Variants in ADAD2 observed in about 807,000 individuals in gnomAD.
ADAD2 encodes adenosine deaminase domain containing 2.
A neutral mutation model predicts 54.5 loss-of-function variants in ADAD2; 60 were observed. The ratio of observed to expected loss-of-function variants is 1.10; its 90% CI spans 0.89 to 1.36. The LOEUF (loss-of-function observed/expected upper bound fraction) is 1.36. Among genes scored for constraint, ADAD2 ranks in the 40% most tolerant of loss-of-function variants. ADAD2 has a pLI of 0.00. For missense variants in ADAD2, 1,103 were observed against 801.3 expected (o/e 1.38, Z -4.54); for synonymous variants, 543 against 366.2 (o/e 1.48, Z -5.51).
Position 84,196,632 on chromosome 16 carries a change from C to T in ADAD2, c.1527-15C>T, listed in dbSNP as rs778659097. ...TGTATCTCTCTGATCTCAGTGGTAT[C>T]CTCTCTTCATCCAGTGCCGCCCTGG... is the stretch of plus-strand genomic sequence containing the variant. On this transcript the variant is annotated splice_polypyrimidine_tract_variant and intron_variant, in intron 8 of 9. Coordinates refer to ENST00000315906, the MANE Select transcript of ADAD2 (RefSeq NM_001145400.2). The T allele has an allele frequency of 1.2e-6, 2 of 1,611,976 alleles. No homozygotes were observed. The highest frequency in any genetic ancestry group is 2.2e-5 in the East Asian group (1 of 44,834).
At chr16:84,196,416 T>TG (rs956247776) in intron 8 of ADAD2, 46 bp downstream of exon 8, 12 of 1,582,534 alleles carry the variant, frequency 7.6e-6, no homozygotes, top group South Asian at 1.2e-5. Flanking sequence ...GTGCTGGTGA[T>TG]GGAGGGCTCA....
Position 84,196,752 on chromosome 16 carries a change from C to A in ADAD2, c.1632C>A (p.Thr544=), listed in dbSNP as rs1384552472. 1.2e-6 allele frequency: 2 copies of A among 1,611,992 alleles called. No homozygotes were observed. Among genetic ancestry groups the A allele is most frequent in the African/African-American group, 1.3e-5 (1 of 75,034 alleles). The change falls in exon 9 of 10, where the codon ACC becomes ACA. Residue 544 remains threonine, a synonymous_variant. Coordinates refer to ENST00000315906, the MANE Select transcript of ADAD2 (RefSeq NM_001145400.2). ...VGKPYLLALK[T]YEAAKAGPYQ... ...AGCCCTACCTCCTGGCCTTGAAGACCTACGAGGCTGCCAAGGTTGGTTCCC... is the reference window on the plus strand; with the variant it reads ...AGCCCTACCTCCTGGCCTTGAAGACATACGAGGCTGCCAAGGTTGGTTCCC...
chr16:84,193,937 A>T, intron 1 of ADAD2: 7 of 1,425,320 alleles, frequency 4.9e-6, no homozygotes, highest in Non-Finnish European at 6.7e-6. Context: ...TGACCATGTG[A>T]TCCCAGTTCC....
chr16:84,192,186 C>T (rs1444076899), intron 1 of ADAD2, among the ~76,000 whole-genome samples: 2 of 152,086 alleles, frequency 1.3e-5, no homozygotes, highest in Non-Finnish European at 2.9e-5. Flanking sequence ...ACTCTGTTGC[C>T]CAGACTGGAA....
In ADAD2 at chr16:84,191,328, G is replaced by T. The variant is rs531866972; in HGVS notation, c.98G>T (p.Arg33Leu). The T allele has an allele frequency of 2.3e-5, 36 of 1,583,602 alleles. 1 individual carries two copies. Among genetic ancestry groups the T allele is most frequent in the East Asian group, 1.8e-4 (8 of 44,204 alleles). The part of the protein sequence containing the change: ...LQISPQPRPW[R>L]PLPAQAQSAW... ...ATCAGCCCCCAGCCCCGCCCCTGGC[G>T]ACCGCTACCCGCCCAGGCCCAAAGT... is the stretch of plus-strand genomic sequence containing the variant. Residue 33 changes from arginine (R) to leucine (L), a missense_variant, in exon 1 of 10, where the codon CGA becomes CTA. By Grantham distance (102) the Arg-to-Leu change is moderately radical (BLOSUM62 -2). Transcript: ENST00000315906.
Position 84,195,119 on chromosome 16 carries a change from T to G in ADAD2, c.658T>G (p.Phe220Val). 1.2e-6 allele frequency: 2 copies of G among 1,613,678 alleles called. No homozygotes were observed. The highest frequency in any genetic ancestry group is 1.7e-6 in the Non-Finnish European group (2 of 1,179,984). Residue 220 changes from phenylalanine to valine, a missense_variant, in exon 4 of 10, where the codon TTT (phenylalanine) becomes GTT (valine). By Grantham distance (50) the Phe-to-Val change is conservative. Transcript: ENST00000315906. ...QRCAALVSAG[F>V]DLLLDERSPY... Reference sequence around the variant, plus strand: ...CTGCGCAGCGTTGGTGAGCGCCGGCTTTGACCTCCTGTTGGACGAGCGCTC... The same window carrying G: ...CTGCGCAGCGTTGGTGAGCGCCGGCGTTGACCTCCTGTTGGACGAGCGCTC...
At position 84,195,446 on chromosome 16, in the gene ADAD2, G is replaced by C; in HGVS notation, c.884G>C (p.Arg295Thr). The C allele has an allele frequency of 1.2e-6, 2 of 1,609,328 alleles. No individual in the cohort carries two copies. The highest frequency in any genetic ancestry group is 1.7e-6 in the Non-Finnish European group (2 of 1,178,904). ...GLVIARRALL[R>T]FLFRQLLLAT... ...GTCATCGCCCGCAGGGCCCTGCTGA[G>C]GTGAGGGGCAGTGGGGTGGGCGCCT... The change falls in exon 5 of 10, where the codon AGG becomes ACG. Residue 295 changes from arginine (R) to threonine (T), a missense_variant and splice_region_variant. Transcript: ENST00000315906.
At chr16:84,193,957 ATC>A (rs1325038315) in intron 1 of ADAD2, 3 of 1,492,036 alleles carry the variant, frequency 2.0e-6, no homozygotes, top group Non-Finnish European at 2.7e-6. Flanking sequence ...CAGATTTTTC[ATC>A]TCTCTTTTGT....
rs1042781662 is a variant in ADAD2 at position 84,197,044 on chromosome 16, G to C, written c.*70G>C. 2.1e-6 allele frequency: 3 copies of C among 1,461,016 alleles called. No homozygotes were observed. Among genetic ancestry groups the C allele is most frequent in the African/African-American group, 2.8e-5 (2 of 71,158 alleles). The allele number at this position is 1,461,016 out of a possible 1,614,324, so 90.5% of individuals were successfully genotyped here. ...CTGCTGGGGGAGTGCCCTATCTGAG[G>C]AGCGTTGTGGGGAGAACATGGGTTG... On this transcript the variant is annotated 3_prime_UTR_variant, in exon 10 of 10. Transcript: ENST00000315906.
At position 84,197,062 on chromosome 16, in the gene ADAD2, A is replaced by C; in HGVS notation, c.*88A>C. On this transcript the variant is annotated 3_prime_UTR_variant, in exon 10 of 10. Coordinates refer to ENST00000315906, the MANE Select transcript of ADAD2 (RefSeq NM_001145400.2). ...ATCTGAGGAGCGTTGTGGGGAGAAC[A>C]TGGGTTGTGCGGGGTGAAACTGGGG... 2 of 1,358,672 alleles carry C rather than the reference A, an allele frequency of 1.5e-6. No homozygotes were observed. Among genetic ancestry groups the C allele is most frequent in the Non-Finnish European group, 2.0e-6 (2 of 983,118 alleles). The allele number at this position is 1,358,672 out of a possible 1,614,324, so 84.2% of individuals were successfully genotyped here. A position where few individuals can be genotyped will look rare whatever the true frequency, so the allele number is the denominator to read the frequency against.
At chr16:84,193,921 C>T in intron 1 of ADAD2, 5 of 1,334,514 alleles carry the variant, frequency 3.7e-6, no homozygotes, top group African/African-American at 1.5e-5. Flanking sequence ...ATTAACCCTG[C>T]ACCTTTGACC....
In ADAD2 at chr16:84,196,359, T is replaced by A. The variant is rs77599631; in HGVS notation, c.1515T>A (p.Arg505=). 7.6e-4 allele frequency: 1,217 copies of A among 1,611,632 alleles called. 8 individuals are homozygous for A. The African/African-American group carries it at 0.015, about 20-fold the overall frequency. ...AGGTTGTGGATGTGGCCACCGGGCG[T>A]GTGAAGGCCAAGTGAGAAGGGCCCC... ...GIEVVDVATG[R]VKANAALGPP... is the part of the protein sequence containing the mutation. Residue 505 remains arginine, a synonymous_variant, in exon 8 of 10, where the codon CGT becomes CGA. Coordinates refer to ENST00000315906, the MANE Select transcript of ADAD2 (RefSeq NM_001145400.2).
chr16:84,196,485 G>C (rs929156496), intron 8 of ADAD2, 115 bp downstream of exon 8: 2 of 1,544,670 alleles, frequency 1.3e-6, no homozygotes, highest in Non-Finnish European at 1.7e-6. Flanking sequence ...CAACCCCTTC[G>C]CTCAACCCCT....
Position 84,191,191 on chromosome 16 carries a change from G to A in ADAD2, c.-40G>A, listed in dbSNP as rs748035688. ...GCGCGTGTGAAAGGGCGAGAGCAGC[G>A]CGAGATAGGGCCTAGCGCCTCAGAT... On this transcript the variant is annotated 5_prime_UTR_variant, in exon 1 of 10. Transcript: ENST00000315906. The A allele has an allele frequency of 1.6e-5, 25 of 1,585,420 alleles. No individual in the cohort carries two copies. The highest frequency in any genetic ancestry group is 2.0e-5 in the Non-Finnish European group (23 of 1,163,408).
chr16:84,195,022 G>T lies in ADAD2; in HGVS notation c.607+42G>T, dbSNP rs1395306546. 3.7e-6 allele frequency: 6 copies of T among 1,612,688 alleles called. 1 individual carries two copies. In the South Asian group the frequency reaches 5.5e-5, roughly 15 times the overall value. ...GGACCCAGGCTTGTAGTGTCGAGGG[G>T]AGAGGCGTGGGCCCCCTTCTACCTG... On this transcript the variant is annotated intron_variant, in intron 3 of 9. Transcript: ENST00000315906.
chr16:84,194,542 C>A lies in ADAD2; in HGVS notation c.519C>A (p.Leu173=). 1.2e-6 allele frequency: 2 copies of A among 1,609,556 alleles called. No homozygotes were observed. Among genetic ancestry groups the A allele is most frequent in the East Asian group, 2.2e-5 (1 of 44,728 alleles). The change falls in exon 2 of 10, where the codon CTC becomes CTA. Residue 173 remains leucine (L), a synonymous_variant. Coordinates refer to ENST00000315906, the MANE Select transcript of ADAD2 (RefSeq NM_001145400.2). The stretch of plus-strand genomic sequence containing the variant: ...CGGAGGCCAAACAGCAGGCAGCGCT[C>A]TCTGCCCTCTGCTACATCCGGAGTC... ...SKTEAKQQAA[L]SALCYIRSQL...
Position 84,196,195 on chromosome 16 carries a change from C to G in ADAD2, c.1351C>G (p.Leu451Val). 6.2e-6 allele frequency: 10 copies of G among 1,609,740 alleles called. No individual in the cohort carries two copies. The highest frequency in any genetic ancestry group is 8.5e-6 in the Non-Finnish European group (10 of 1,179,902). Residue 451 changes from leucine (L) to valine (V), a missense_variant, in exon 8 of 10, where the codon CTG becomes GTG. Transcript: ENST00000315906. ...CACCCGGCCCTGCCTGGACAGTGTC[C>G]TGGGGCCATGCCTGCCACCTCCCTA... ...IHTRPCLDSV[L>V]GPCLPPPYVR...
intron 2 of ADAD2, 41 bp downstream of exon 2, chr16:84,194,623 A>G (rs2089701817): frequency 1.3e-6 from 2 of 1,579,064 alleles, no homozygotes; most frequent in African/African-American, 2.7e-5. Flanking sequence ...GCAGCTGGGG[A>G]CAAGAGGACT....
At chr16:84,195,741 G>C in intron 6 of ADAD2, 44 bp downstream of exon 6, 1 of 1,532,160 alleles carries the variant, frequency 6.5e-7, no homozygotes, top group Non-Finnish European at 8.8e-7. Flanking sequence ...GGCTCCCTCG[G>C]TTGGGCTGCT....
Sources: gnomAD v4.1 joint callset for allele counts (sites outside exome capture counted in the v4.1 genomes callset) on GRCh38, gnomAD v4.1.1 for gene constraint, MANE v1.5 for transcripts, NCBI Gene and HGNC (gene_info 2026-07-23, HGNC 2026-07-21) for gene names.